The following RARB variants were observed in gnomAD, a reference collection of about 807,000 sequenced individuals.
RARB encodes the protein retinoic acid receptor beta.
In RARB, 17 loss-of-function variants were observed where a neutral mutation model predicts 51.9. That is an observed-to-expected ratio of 0.33 (90% CI 0.22 to 0.49). The LOEUF (loss-of-function observed/expected upper bound fraction) is 0.49, where lower values mean the gene tolerates loss of function less well. RARB is among the 20% of genes least tolerant of loss of function. The pLI, the probability that RARB is intolerant of heterozygous loss-of-function variation, is 0.99. For missense variants in RARB, 369 were observed against 550.8 expected (o/e 0.67, Z 3.30); for synonymous variants, 215 against 195.4 (o/e 1.10, Z -0.84).
chr3:25,383,930 C>A (rs1176405408), intron 5 of RARB, among the ~76,000 whole-genome samples: 597 of 128,190 alleles, frequency 4.7e-3, no homozygotes, highest in East Asian at 5.5e-3. Flanking sequence ...GACTTTGTCT[C>A]AAAAAAAAAA....
intron 5 of RARB, among the ~76,000 whole-genome samples, chr3:25,185,937 G>C (rs1700964273): frequency 6.6e-6 from 1 of 152,042 alleles, no homozygotes; most frequent in Non-Finnish European, 1.5e-5. Flanking sequence ...ACTTGTCACA[G>C]TTTTTCTGTC....
intron 2 of RARB, among the ~76,000 whole-genome samples, chr3:24,923,869 G>A (rs544301899): frequency 6.6e-6 from 1 of 152,272 alleles, no homozygotes; most frequent in Middle Eastern, 3.4e-3. Flanking sequence ...TACTAACAGT[G>A]AATTTGGAGT....
At chr3:24,916,972 A>T (rs957766752) in intron 2 of RARB, among the ~76,000 whole-genome samples, 3 of 152,306 alleles carry the variant, frequency 2.0e-5, no homozygotes, top group Middle Eastern at 3.4e-3. Flanking sequence ...ACATTCAATT[A>T]TTCCATTTGT....
chr3:25,424,250 G>A (rs1257791350), upstream of RARB, among the ~76,000 whole-genome samples: 1 of 152,208 alleles, frequency 6.6e-6, no homozygotes, highest in East Asian at 1.9e-4. Context: ...TTTGGAAAGT[G>A]CATTGGTGTC....
At chr3:25,435,922 C>A (rs1256391667) in intron 1 of RARB, among the ~76,000 whole-genome samples, 1 of 152,034 alleles carries the variant, frequency 6.6e-6, no homozygotes, top group African/African-American at 2.4e-5. Context: ...CCGTTGTTGC[C>A]ATTTTATTAC....
chr3:24,989,371 G>C (rs1286758347), intron 2 of RARB, among the ~76,000 whole-genome samples: 2 of 152,194 alleles, frequency 1.3e-5, no homozygotes, highest in African/African-American at 4.8e-5. Flanking sequence ...ATACTTGAAA[G>C]TAGGAATTGT....
At chr3:24,999,641 A>G (rs547589629) in intron 2 of RARB, among the ~76,000 whole-genome samples, 5 of 152,166 alleles carry the variant, frequency 3.3e-5, no homozygotes, top group Admixed American at 6.5e-5. Flanking sequence ...AAATGGCACA[A>G]TGAGGATGCT....
intron 2 of RARB, among the ~76,000 whole-genome samples, chr3:24,951,797 AC>A (rs1395718806): frequency 1.3e-5 from 2 of 152,228 alleles, no homozygotes; most frequent in African/African-American, 4.8e-5. Flanking sequence ...ACTCTTTTGG[AC>A]AAAAATATAT....
At chr3:24,886,877 C>T (rs1267648002) in intron 2 of RARB, among the ~76,000 whole-genome samples, 1 of 152,158 alleles carries the variant, frequency 6.6e-6, no homozygotes, top group Non-Finnish European at 1.5e-5. Flanking sequence ...CTTTTAGGGT[C>T]CACAATGTAT....
chr3:25,065,598 G>T (rs1223243402), intron 3 of RARB, among the ~76,000 whole-genome samples: 1 of 152,188 alleles, frequency 6.6e-6, no homozygotes, highest in Non-Finnish European at 1.5e-5. Flanking sequence ...AGATACGATT[G>T]TTCTACCCAA....
At chr3:25,245,909 G>T (rs779130051) in intron 5 of RARB, among the ~76,000 whole-genome samples, 4 of 152,134 alleles carry the variant, frequency 2.6e-5, no homozygotes, top group Admixed American at 2.6e-4. Flanking sequence ...ATCCTGAAGT[G>T]TGTTTTCCAA....
intron 5 of RARB, among the ~76,000 whole-genome samples, chr3:25,293,320 G>T (rs1703834154): frequency 6.6e-6 from 1 of 152,132 alleles, no homozygotes; most frequent in African/African-American, 2.4e-5. Context: ...TCATTTGTAA[G>T]ATGAGGCTAT....
chr3:24,923,295 T>C (rs1159894245), intron 2 of RARB, among the ~76,000 whole-genome samples: 1 of 152,068 alleles, frequency 6.6e-6, no homozygotes, highest in Non-Finnish European at 1.5e-5. Flanking sequence ...GTCATCTTTT[T>C]TTCCCTCCTT....
chr3:24,889,392 T>A (rs1177750092), intron 2 of RARB, among the ~76,000 whole-genome samples: 1 of 152,192 alleles, frequency 6.6e-6, no homozygotes, highest in African/African-American at 2.4e-5. Context: ...ATGATGTGTT[T>A]GCAACCTCCA....
In RARB at chr3:25,332,149, G is replaced by T. The variant is rs183173314; in HGVS notation, c.179-129044G>T. On this transcript the variant is annotated intron_variant, in intron 5 of 11. Coordinates refer to the RARB transcript ENST00000383772. ...GAAACTATTCCAATCAATAGAAAAA[G>T]AGGGAATCCTCCCTAACTCATTTTA... 6.5e-3 allele frequency among the ~76,000 whole-genome samples: 991 copies of T among 152,304 alleles called. 6 individuals carry two copies. Among genetic ancestry groups the T allele is most frequent in the Admixed American group, 9.1e-3 (139 of 15,288 alleles).
chr3:25,002,273 C>T (rs1340382970), intron 2 of RARB, among the ~76,000 whole-genome samples: 1 of 152,166 alleles, frequency 6.6e-6, no homozygotes, highest in Non-Finnish European at 1.5e-5. Flanking sequence ...TTCCTGTCAG[C>T]TTCAGGAGAT....
chr3:25,168,908 C>G (rs974781366), intron 4 of RARB, among the ~76,000 whole-genome samples: 1 of 152,046 alleles, frequency 6.6e-6, no homozygotes, highest in African/African-American at 2.4e-5. Flanking sequence ...CACAATGAAG[C>G]AGGGAAAGGG....
Position 25,596,013 on chromosome 3 carries a change from ATT to A in RARB, c.1151-406_1151-405del, listed in dbSNP as rs529220146. On this transcript the variant is annotated intron_variant, in intron 7 of 7. Transcript: ENST00000330688. ...AAAATAAGGATAGCCTCTGGGAGGC[ATT>A]GTTTGCATAATTTTCTGTTATCAAA... Among the ~76,000 whole-genome samples, 23 of 152,330 alleles carry A rather than the reference ATT, an allele frequency of 1.5e-4. No individual in the cohort carries two copies. The South Asian group carries it at 3.7e-3, about 25-fold the overall frequency.
intron 2 of RARB, among the ~76,000 whole-genome samples, chr3:25,016,712 A>G (rs924406540): frequency 7.2e-5 from 11 of 152,090 alleles, no homozygotes; most frequent in Non-Finnish European, 1.5e-4. Flanking sequence ...CATGGTCAAT[A>G]TAGCATTTCT....
Sources: allele counts gnomAD v4.1 joint callset (sites outside exome capture counted in the v4.1 genomes callset), GRCh38; gene constraint gnomAD v4.1.1; transcripts MANE v1.5; gene names NCBI Gene and HGNC (gene_info 2026-07-23, HGNC 2026-07-21).